The following SCAPER variants were observed in gnomAD, a reference collection of about 807,000 sequenced individuals.
SCAPER encodes S-phase cyclin A associated protein in the ER, also known as S phase cyclin A-associated protein in the endoplasmic reticulum.
In SCAPER, 98 loss-of-function variants were observed where a neutral mutation model predicts 182.2. The observed-to-expected ratio is 0.54, with a 90% CI of 0.46 to 0.64. The LOEUF is 0.64. SCAPER is among the 30% of genes least tolerant of loss of function. The pLI, the probability that SCAPER is intolerant of heterozygous loss-of-function variation, is 0.00. For synonymous variants in SCAPER, 605 were observed against 564.6 expected, an observed-to-expected ratio of 1.07 and a Z score of -1.01; for missense variants, 1,432 against 1,690.0, an observed-to-expected ratio of 0.85 and a Z score of 2.68.
At chr15:76,766,179 C>T (rs2063103547) in intron 11 of SCAPER, among the ~76,000 whole-genome samples, 1 of 152,132 alleles carries the variant, frequency 6.6e-6, no homozygotes. Flanking sequence ...TCACTGCAAC[C>T]TCCGCCTCCC....
chr15:76,843,919 G>C (rs972635430), intron 4 of SCAPER, among the ~76,000 whole-genome samples: 2 of 152,160 alleles, frequency 1.3e-5, no homozygotes, highest in Non-Finnish European at 2.9e-5. Flanking sequence ...TAACATTCAT[G>C]ATATACTTGC....
chr15:76,703,958 C>A (rs1467657754), intron 18 of SCAPER, among the ~76,000 whole-genome samples: 3 of 151,996 alleles, frequency 2.0e-5, no homozygotes, highest in African/African-American at 7.3e-5. Context: ...TGTGAGGAGC[C>A]AGCATGTAAA....
At position 76,721,066 on chromosome 15, in the gene SCAPER, C is replaced by G. The variant is rs572310793; in HGVS notation, c.2165+7529G>C. 2.0e-3 allele frequency among the ~76,000 whole-genome samples: 309 copies of G among 151,928 alleles called. 1 individual carries two copies. The highest frequency in any genetic ancestry group is 3.3e-3 in the Admixed American group (51 of 15,230). On this transcript the variant is annotated intron_variant, in intron 17 of 31. Transcript: ENST00000563290. ...GGGTTTTTATGGTTTTAGGTCTAAC[C>G]TTTAAGTCTTTAATCCATCTTGAAT...
At chr15:76,819,244 C>T (rs1029166719) in intron 5 of SCAPER, among the ~76,000 whole-genome samples, 2 of 152,222 alleles carry the variant, frequency 1.3e-5, no homozygotes, top group African/African-American at 2.4e-5. Context: ...AGTAGTGGTT[C>T]TCCCAGCATG....
chr15:76,404,209 C>T (rs918508214), intron 27 of SCAPER, among the ~76,000 whole-genome samples: 5 of 151,954 alleles, frequency 3.3e-5, no homozygotes, highest in African/African-American at 1.2e-4. Context: ...TTGTTTCCTT[C>T]GATGACTGAA....
intron 23 of SCAPER, among the ~76,000 whole-genome samples, chr15:76,544,509 G>C (rs2045070866): frequency 1.3e-5 from 2 of 152,138 alleles, no homozygotes; most frequent in South Asian, 4.1e-4. Context: ...GCGGATACAA[G>C]CTATAATGTA....
At chr15:76,832,277 A>C (rs1157891567) in intron 5 of SCAPER, among the ~76,000 whole-genome samples, 1 of 152,238 alleles carries the variant, frequency 6.6e-6, no homozygotes, top group African/African-American at 2.4e-5. Context: ...AGCCATTTTA[A>C]GAAAGAACCA....
At chr15:76,841,402 T>G (rs773689538) in intron 5 of SCAPER, among the ~76,000 whole-genome samples, 29 of 152,194 alleles carry the variant, frequency 1.9e-4, no homozygotes, top group Middle Eastern at 6.8e-3. Context: ...ATCACAGCAC[T>G]TTGGGAGGCC....
chr15:76,804,913 T>C (rs899113388), intron 5 of SCAPER, among the ~76,000 whole-genome samples: 3 of 152,068 alleles, frequency 2.0e-5, no homozygotes, highest in African/African-American at 7.2e-5. Flanking sequence ...TTTTAACATA[T>C]AGAAAAGTAC....
At chr15:76,536,264 C>T (rs764885991) in intron 23 of SCAPER, among the ~76,000 whole-genome samples, 2 of 152,086 alleles carry the variant, frequency 1.3e-5, no homozygotes, top group Non-Finnish European at 2.9e-5. Context: ...GAGGCTGAGG[C>T]AGGAGGCTCA....
intron 21 of SCAPER, among the ~76,000 whole-genome samples, chr15:76,654,265 G>A (rs563190807): frequency 6.6e-5 from 10 of 152,092 alleles, no homozygotes; most frequent in Admixed American, 1.3e-4. Context: ...AAAATTAGCC[G>A]GGCATGGTGG....
At chr15:76,654,433 T>C (rs552975376) in intron 21 of SCAPER, among the ~76,000 whole-genome samples, 1 of 151,938 alleles carries the variant, frequency 6.6e-6, no homozygotes, top group Admixed American at 6.6e-5. Context: ...TGAGATACCA[T>C]CTCATACCAC....
At chr15:76,608,585 C>CT (rs1263516705) in intron 22 of SCAPER, among the ~76,000 whole-genome samples, 1 of 152,140 alleles carries the variant, frequency 6.6e-6, no homozygotes, top group Non-Finnish European at 1.5e-5. Context: ...TTACTGCTAT[C>CT]TTTTTGTTTG....
intron 8 of SCAPER, among the ~76,000 whole-genome samples, chr15:76,787,860 A>G (rs2064727738): frequency 6.6e-6 from 1 of 152,206 alleles, no homozygotes; most frequent in South Asian, 2.1e-4. Context: ...AAACTAATCA[A>G]TCATACTTCA....
chr15:76,767,217 G>A (rs1021810532), intron 10 of SCAPER, 129 bp from the exon 11 acceptor site: 36 of 929,888 alleles, frequency 3.9e-5, no homozygotes, highest in Non-Finnish European at 5.5e-5. Context: ...ATAAAAGCTG[G>A]GGTTCCATAC....
At chr15:76,792,622 A>T (rs1041443585) in intron 8 of SCAPER, among the ~76,000 whole-genome samples, 1 of 152,254 alleles carries the variant, frequency 6.6e-6, no homozygotes, top group Non-Finnish European at 1.5e-5. Flanking sequence ...TGGAAGCCAG[A>T]TGACATTTAA....
chr15:76,720,339 T>A (rs1410227031), intron 17 of SCAPER, among the ~76,000 whole-genome samples: 4 of 152,124 alleles, frequency 2.6e-5, no homozygotes, highest in Admixed American at 6.6e-5. Flanking sequence ...TGTTGGACAT[T>A]TGGGTTGGTT....
intron 14 of SCAPER, among the ~76,000 whole-genome samples, chr15:76,762,570 C>T (rs1015575574): frequency 2.0e-5 from 3 of 152,088 alleles, no homozygotes; most frequent in Non-Finnish European, 4.4e-5. Flanking sequence ...TCAGAGTTTA[C>T]TATTTTTCAT....
chr15:76,765,695 G>A (rs2063069425), intron 11 of SCAPER, 57 bp from the exon 12 acceptor site: 1 of 1,330,478 alleles, frequency 7.5e-7, no homozygotes, highest in African/African-American at 1.5e-5. Flanking sequence ...TACAACTTTA[G>A]AAAATGAACT....
Sources: gnomAD v4.1 joint callset for allele counts (sites outside exome capture counted in the v4.1 genomes callset) on GRCh38, gnomAD v4.1.1 for gene constraint, MANE v1.5 for transcripts, NCBI Gene and HGNC (gene_info 2026-07-23, HGNC 2026-07-21) for gene names.